Variants in WDPCP observed in about 807,000 individuals in gnomAD.
WDPCP encodes WD repeat containing planar cell polarity effector.
WDPCP carries 71 observed loss-of-function variants against 93.1 expected under a neutral mutation model. That is an observed-to-expected ratio of 0.76 (90% confidence interval 0.63 to 0.93). The LOEUF (loss-of-function observed/expected upper bound fraction) is 0.93. WDPCP is among the 40% of genes least tolerant of loss of function. WDPCP has a pLI of 0.00. For missense variants in WDPCP, 844 were observed against 887.4 expected, an observed-to-expected ratio of 0.95 and a Z score of 0.62; for synonymous variants, 315 against 315.0, an observed-to-expected ratio of 1.00 and a Z score of 0.00.
chr2:63,207,890 C>G (rs1334455433), intron 14 of WDPCP, among the ~76,000 whole-genome samples: 1 of 152,110 alleles, frequency 6.6e-6, no homozygotes, highest in Non-Finnish European at 1.5e-5. Context: ...TCATCTTTCT[C>G]TAGCACTTTT....
At chr2:63,802,966 C>T (rs747321943) in intron 2 of WDPCP, among the ~76,000 whole-genome samples, 12 of 152,110 alleles carry the variant, frequency 7.9e-5, no homozygotes, top group African/African-American at 1.4e-4. Flanking sequence ...TGTAATAACA[C>T]AAAAAGTTCA....
chr2:63,749,270 C>G (rs570707995), intron 2 of WDPCP, among the ~76,000 whole-genome samples: 1 of 151,988 alleles, frequency 6.6e-6, no homozygotes, highest in Non-Finnish European at 1.5e-5. Flanking sequence ...AACCAAGGCT[C>G]AAATTTACAC....
intron 1 of WDPCP, among the ~76,000 whole-genome samples, chr2:63,824,907 G>A (rs867859048): frequency 1.5e-4 from 23 of 152,062 alleles, no homozygotes; most frequent in Admixed American, 5.2e-4. Flanking sequence ...AGGAAAATAC[G>A]TATTTTACAA....
At chr2:63,313,385 T>G (rs1575118623) in intron 12 of WDPCP, 74 bp from the exon 13 acceptor site, 1 of 1,417,684 alleles carries the variant, frequency 7.1e-7, no homozygotes, top group Admixed American at 1.8e-5. Flanking sequence ...TTATTTAACA[T>G]ATATCTGTGA....
chr2:63,492,166 T>G (rs767012106), intron 2 of WDPCP, among the ~76,000 whole-genome samples: 32 of 152,178 alleles, frequency 2.1e-4, no homozygotes, highest in Non-Finnish European at 4.1e-4. Flanking sequence ...TTAGTAATGA[T>G]GCTTAAAAGA....
intron 14 of WDPCP, among the ~76,000 whole-genome samples, chr2:63,192,275 T>C (rs542720432): frequency 1.3e-5 from 2 of 152,312 alleles, no homozygotes; most frequent in South Asian, 2.1e-4. Flanking sequence ...TGAGCTTCTA[T>C]TTCCTCATTT....
chr2:63,125,478 A>G (rs1015700515), intron 17 of WDPCP, among the ~76,000 whole-genome samples: 1 of 152,212 alleles, frequency 6.6e-6, no homozygotes, highest in Non-Finnish European at 1.5e-5. Flanking sequence ...AAAAATTTAG[A>G]GATTGGGTCT....
At chr2:63,144,534 G>T (rs1368774564) in intron 17 of WDPCP, among the ~76,000 whole-genome samples, 2 of 152,234 alleles carry the variant, frequency 1.3e-5, no homozygotes, top group Non-Finnish European at 1.5e-5. Context: ...GATTAGAGGG[G>T]TGAGCCACCA....
chr2:63,147,036 C>T (rs554115992), intron 17 of WDPCP, among the ~76,000 whole-genome samples: 1 of 152,254 alleles, frequency 6.6e-6, no homozygotes, highest in Admixed American at 6.5e-5. Context: ...TTAGTGACAC[C>T]TATAGTGCTC....
intron 13 of WDPCP, among the ~76,000 whole-genome samples, chr2:63,306,907 G>C (rs189051879): frequency 3.3e-5 from 5 of 152,318 alleles, no homozygotes; most frequent in Admixed American, 1.3e-4. Context: ...TCAGGCAAGA[G>C]AAAGAAATAA....
chr2:63,588,761 A>C (rs982233393), upstream of WDPCP: 2 of 539,304 alleles, frequency 3.7e-6, no homozygotes, highest in Non-Finnish European at 6.7e-6. Context: ...ACAGGGGCTC[A>C]TCCTCAGGGA....
intron 3 of WDPCP, among the ~76,000 whole-genome samples, chr2:63,638,811 G>A (rs1032063643): frequency 2.7e-5 from 4 of 149,278 alleles, no homozygotes; most frequent in South Asian, 2.1e-4. Flanking sequence ...AAAAAAAAAG[G>A]AAAAAATCAA....
In WDPCP at chr2:63,680,043, C is replaced by T. The variant is rs149148172; in HGVS notation, n.309-29205G>A. Among the ~76,000 whole-genome samples the T allele has an allele frequency of 2.0e-5, 3 of 152,344 alleles. No homozygotes were observed. The East Asian group carries it at 5.8e-4, about 29-fold the overall frequency. On this transcript the variant is annotated intron_variant and non_coding_transcript_variant, in intron 2 of 4. Transcript: ENST00000467687. ...TCATTCATCTTTTCTACACTGGCTA[C>T]TTCTAGGCCAAGTTCATCCCTTGCT...
chr2:63,417,965 C>A (rs1418443597), intron 9 of WDPCP, among the ~76,000 whole-genome samples: 2 of 151,668 alleles, frequency 1.3e-5, no homozygotes, highest in Non-Finnish European at 2.9e-5. Flanking sequence ...ATGTGATAGA[C>A]CAAGATGATA....
At chr2:63,339,805 T>A (rs1479791008) in intron 12 of WDPCP, among the ~76,000 whole-genome samples, 1 of 152,196 alleles carries the variant, frequency 6.6e-6, no homozygotes, top group Non-Finnish European at 1.5e-5. Context: ...TTTTCCCCAT[T>A]CAGTATGATT....
intron 11 of WDPCP, among the ~76,000 whole-genome samples, chr2:63,380,174 CTT>C (rs950435355): frequency 1.1e-4 from 16 of 151,908 alleles, no homozygotes; most frequent in African/African-American, 3.4e-4. Context: ...TTTATGATCT[CTT>C]ATATAAATTG....
chr2:63,408,937 T>A (rs545542244), intron 9 of WDPCP, among the ~76,000 whole-genome samples: 2 of 152,030 alleles, frequency 1.3e-5, no homozygotes, highest in South Asian at 4.2e-4. Context: ...CTAGCCCTGC[T>A]CCCACCTGAT....
chr2:63,156,127 G>C (rs1223128085), intron 15 of WDPCP, among the ~76,000 whole-genome samples: 2 of 152,040 alleles, frequency 1.3e-5, no homozygotes, highest in African/African-American at 4.8e-5. Flanking sequence ...AGCCTCCCGA[G>C]TAGCTGGGAC....
chr2:63,784,231 G>A (rs1409462745), intron 2 of WDPCP, among the ~76,000 whole-genome samples: 1 of 152,112 alleles, frequency 6.6e-6, no homozygotes. Flanking sequence ...GGTACTCTGA[G>A]CAGCCAGTAT....
Sources: gnomAD v4.1 joint callset for allele counts (sites outside exome capture counted in the v4.1 genomes callset) on GRCh38, gnomAD v4.1.1 for gene constraint, MANE v1.5 for transcripts, NCBI Gene and HGNC (gene_info 2026-07-23, HGNC 2026-07-21) for gene names.